Variants in DCTN4 observed in about 807,000 individuals in gnomAD.
DCTN4 encodes dynactin subunit 4, also known as dynactin 4 (p62).
Under a neutral mutation model 62.7 loss-of-function variants are expected in DCTN4, and 23 were observed. That is an observed-to-expected ratio of 0.37 (90% CI 0.26 to 0.52). DCTN4 has a LOEUF of 0.52. Ranked by LOEUF, DCTN4 falls within the 20% of genes least tolerant of loss-of-function variation. The pLI, the probability that DCTN4 is intolerant of heterozygous loss-of-function variation, is 0.92. For synonymous variants in DCTN4, 199 were observed against 202.1 expected (o/e 0.98, Z 0.13); for missense variants, 514 against 580.4 (o/e 0.89, Z 1.18).
intron 11 of DCTN4, 45 bp from the exon 12 acceptor site, chr5:150,715,707 GA>G: frequency 6.7e-7 from 1 of 1,495,172 alleles, no homozygotes; most frequent in Non-Finnish European, 9.3e-7. Context: ...GGACCAGTGT[GA>G]CAGAATATAG....
At chr5:150,751,854 A>G (rs1231614046) in intron 3 of DCTN4, among the ~76,000 whole-genome samples, 2 of 152,222 alleles carry the variant, frequency 1.3e-5, no homozygotes, top group East Asian at 1.9e-4. Context: ...AGAATCAAGG[A>G]TTAAATTTTT....
chr5:150,719,648 C>T, intron 10 of DCTN4, 68 bp downstream of exon 10: 1 of 1,136,542 alleles, frequency 8.8e-7, no homozygotes. Context: ...CACACAGCCA[C>T]CCACATACAC....
In DCTN4 at chr5:150,710,388, A is replaced by C. The variant is rs1164791512; in HGVS notation, c.*761T>G. ...GCATTAATCCCTGGGTATTGTGGCA[A>C]TATTGAAAACGAATGGAATCTGCTA... On this transcript the variant is annotated 3_prime_UTR_variant, in exon 13 of 13. Transcript: ENST00000447998. 6.6e-6 allele frequency: 1 copy of C among 152,338 alleles called. No individual in the cohort carries two copies. The highest frequency in any genetic ancestry group is 1.5e-5 in the Non-Finnish European group (1 of 68,046). 9.4% of individuals were successfully genotyped at this position (152,338 alleles called of 1,614,324 possible).
chr5:150,745,524 T>G (rs1019318012), intron 3 of DCTN4, among the ~76,000 whole-genome samples: 1 of 152,102 alleles, frequency 6.6e-6, no homozygotes, highest in African/African-American at 2.4e-5. Context: ...ATTCCAAAAC[T>G]GACCACATAG....
At chr5:150,715,537 G>T in intron 12 of DCTN4, 28 bp downstream of exon 12, 1 of 1,586,822 alleles carries the variant, frequency 6.3e-7, no homozygotes, top group Non-Finnish European at 8.7e-7. Flanking sequence ...GCCATTTGTT[G>T]TATGGGGATC....
rs61106544 is a variant in DCTN4 at position 150,729,042 on chromosome 5, CTTTTTTTTTTTTTTTTTTTTT to C, written c.834+1568_834+1588del. On this transcript the variant is annotated intron_variant, in intron 8 of 12. Coordinates refer to ENST00000447998, the MANE Select transcript of DCTN4 (RefSeq NM_016221.4). ...ACAAGTGTGTGAACCACCACACTGG[CTTTTTTTTTTTTTTTTTTTTT>C]TTTTTTTTTTTGGTAGAGACAGGGT... Among the ~76,000 whole-genome samples, 3 of 52,148 alleles carry C rather than the reference CTTTTTTTTTTTTTTTTTTTTT, an allele frequency of 5.8e-5. No individual in the cohort carries two copies. In the East Asian group the frequency reaches 1.6e-3, roughly 27 times the overall value. The allele number at this position is 52,148 out of a possible 152,430, so 34.2% of individuals were successfully genotyped here.
At chr5:150,714,121 A>C (rs759129651) in intron 12 of DCTN4, among the ~76,000 whole-genome samples, 3 of 152,186 alleles carry the variant, frequency 2.0e-5, no homozygotes, top group Non-Finnish European at 4.4e-5. Context: ...CTCTAAAAAC[A>C]AAACAAAGAC....
chr5:150,725,569 T>C lies in DCTN4; in HGVS notation c.835-2589A>G, dbSNP rs77870192. Among the ~76,000 whole-genome samples the C allele has an allele frequency of 8.1e-3, 1,226 of 152,238 alleles. 11 individuals carry two copies. Among genetic ancestry groups the C allele is most frequent in the Admixed American group, 0.012 (188 of 15,288 alleles). On this transcript the variant is annotated intron_variant, in intron 8 of 12. Transcript: ENST00000447998. ...TCTTTGGACTTTGCTGTTTTTTTTC[T>C]AACTTCTTGAAATGGATGCTGACAT...
Position 150,708,682 on chromosome 5 carries a change from AC to A in DCTN4, c.*2466del, listed in dbSNP as rs1759458158. 1 of 152,796 alleles carries A rather than the reference AC, an allele frequency of 6.5e-6. No homozygotes were observed. Among genetic ancestry groups the A allele is most frequent in the South Asian group, 2.1e-4 (1 of 4,836 alleles). 9.5% of individuals were successfully genotyped at this position (152,796 alleles called of 1,614,324 possible). On this transcript the variant is annotated 3_prime_UTR_variant, in exon 13 of 13. Transcript: ENST00000447998. Reference sequence around the variant, plus strand: ...TCTCTTAGCCAACTCTCTTAACTTCACGCTTGTCTTTTGGCTCTGAGCCATG... The same window carrying A: ...TCTCTTAGCCAACTCTCTTAACTTCAGCTTGTCTTTTGGCTCTGAGCCATG...
At chr5:150,716,299 G>A (rs913944388) in intron 11 of DCTN4, among the ~76,000 whole-genome samples, 1 of 152,028 alleles carries the variant, frequency 6.6e-6, no homozygotes, top group African/African-American at 2.4e-5. Flanking sequence ...CCATCATTAA[G>A]AACAACACAA....
At chr5:150,731,272 T>A (rs990876374) in intron 6 of DCTN4, 116 bp from the exon 7 acceptor site, 6 of 974,414 alleles carry the variant, frequency 6.2e-6, no homozygotes, top group Non-Finnish European at 9.6e-6. Context: ...TCATAGAATA[T>A]CTGTATAGCG....
rs1759503209 is a variant in DCTN4 at position 150,710,074 on chromosome 5, T to C, written c.*1075A>G. On this transcript the variant is annotated 3_prime_UTR_variant, in exon 13 of 13. Coordinates refer to ENST00000447998, the MANE Select transcript of DCTN4 (RefSeq NM_016221.4). ...AAATGGTCTTATTTGACTCACCACA[T>C]GACAAAAGTCTTAAACTTAGTAAGG... The C allele has an allele frequency of 6.6e-6, 1 of 152,382 alleles. No homozygotes were observed. Among genetic ancestry groups the C allele is most frequent in the Non-Finnish European group, 1.5e-5 (1 of 68,032 alleles). 9.4% of individuals were successfully genotyped at this position (152,382 alleles called of 1,614,324 possible).
At chr5:150,745,436 C>T (rs1328864948) in intron 3 of DCTN4, among the ~76,000 whole-genome samples, 6 of 152,130 alleles carry the variant, frequency 3.9e-5, no homozygotes, top group South Asian at 4.2e-4. Flanking sequence ...CTGCACCAAC[C>T]AGACCTTATA....
intron 4 of DCTN4, among the ~76,000 whole-genome samples, chr5:150,741,146 C>CA (rs1444697976): frequency 8.3e-6 from 1 of 120,142 alleles, no homozygotes; most frequent in Non-Finnish European, 1.6e-5. Context: ...GCCTGGGTGA[C>CA]AGAGTGAGAT....
chr5:150,744,589 C>G (rs1760892028), intron 3 of DCTN4, among the ~76,000 whole-genome samples: 1 of 152,146 alleles, frequency 6.6e-6, no homozygotes, highest in Non-Finnish European at 1.5e-5. Context: ...AACAGCGGAT[C>G]TCTCAGCAGA....
chr5:150,734,724 C>CTAG (rs892086054), intron 4 of DCTN4, among the ~76,000 whole-genome samples: 12 of 152,316 alleles, frequency 7.9e-5, no homozygotes, highest in African/African-American at 2.9e-4. Flanking sequence ...GTCCAAAAGG[C>CTAG]TAGCTTGCTT....
chr5:150,739,211 A>G (rs933756667), intron 4 of DCTN4, among the ~76,000 whole-genome samples: 1 of 152,038 alleles, frequency 6.6e-6, no homozygotes, highest in African/African-American at 2.4e-5. Flanking sequence ...TGAATTCAGT[A>G]AAGTTTCAGG....
rs564233929 is a variant in DCTN4, at chr5:150,720,378, A to C, written c.909-608T>G. 2.2e-3 allele frequency among the ~76,000 whole-genome samples: 334 copies of C among 152,090 alleles called. 2 individuals carry two copies. Among genetic ancestry groups the C allele is most frequent in the Middle Eastern group, 3.4e-3 (1 of 292 alleles). On this transcript the variant is annotated intron_variant, in intron 9 of 12. Transcript: ENST00000447998. ...TTTTGTCTTCCTGAATCTCAAAAAA[A>C]ACACACACACACACAAAAGCAACAA...
chr5:150,757,679 T>C (rs1348208411), intron 1 of DCTN4, among the ~76,000 whole-genome samples: 9 of 152,226 alleles, frequency 5.9e-5, no homozygotes, highest in Non-Finnish European at 1.3e-4. Context: ...CGATGCCATA[T>C]TTTTAATATA....
Sources: gnomAD v4.1 joint callset for allele counts (sites outside exome capture counted in the v4.1 genomes callset) on GRCh38, gnomAD v4.1.1 for gene constraint, MANE v1.5 for transcripts, NCBI Gene and HGNC (gene_info 2026-07-23, HGNC 2026-07-21) for gene names.